RNF216: variants seen among roughly 807,000 people sequenced by gnomAD.
RNF216 encodes E3 ubiquitin-protein ligase RNF216.
RNF216 carries 72 observed loss-of-function variants against 110.8 expected under a neutral mutation model. That is an observed-to-expected ratio of 0.65 (90% CI 0.54 to 0.79). RNF216 has a LOEUF of 0.79. RNF216 is among the 30% of genes least tolerant of loss of function. RNF216 has a pLI of 0.00. For synonymous variants in RNF216, 495 were observed against 407.5 expected (o/e 1.21, Z -2.59); for missense variants, 1,342 against 1,141.2 (o/e 1.18, Z -2.54).
At chr7:5,744,310 G>A (rs893514902) in intron 3 of RNF216, among the ~76,000 whole-genome samples, 3 of 152,176 alleles carry the variant, frequency 2.0e-5, no homozygotes, top group African/African-American at 7.2e-5. Context: ...TGCATTGAAA[G>A]CCAGGTCAGA....
At chr7:5,668,649 G>A (rs976386133) in intron 13 of RNF216, among the ~76,000 whole-genome samples, 5 of 152,142 alleles carry the variant, frequency 3.3e-5, no homozygotes, top group African/African-American at 1.2e-4. Flanking sequence ...GGGTCAACTC[G>A]ACACAGAAGA....
chr7:5,676,324 A>C (rs1790292647), intron 13 of RNF216, among the ~76,000 whole-genome samples: 1 of 152,208 alleles, frequency 6.6e-6, no homozygotes, highest in South Asian at 2.1e-4. Flanking sequence ...TCCATGCCAA[A>C]GAAATTTCTT....
intron 9 of RNF216, among the ~76,000 whole-genome samples, chr7:5,718,911 G>C (rs150042182): frequency 6.6e-6 from 1 of 152,076 alleles, no homozygotes; most frequent in Non-Finnish European, 1.5e-5. Context: ...GCCTGCCTTG[G>C]CCTCCCAAAG....
At chr7:5,635,649 T>A (rs899541972) in intron 15 of RNF216, among the ~76,000 whole-genome samples, 1 of 152,126 alleles carries the variant, frequency 6.6e-6, no homozygotes, top group Non-Finnish European at 1.5e-5. Context: ...TGCGCTGGCC[T>A]GAGGGGAGAA....
intron 14 of RNF216, among the ~76,000 whole-genome samples, chr7:5,644,604 C>T (rs534684206): frequency 6.6e-6 from 1 of 151,774 alleles, no homozygotes; most frequent in Non-Finnish European, 1.5e-5. Flanking sequence ...CTCCTGGGCT[C>T]AAGTGATTTC....
At chr7:5,734,077 A>T (rs1323867886) in intron 5 of RNF216, among the ~76,000 whole-genome samples, 1 of 152,214 alleles carries the variant, frequency 6.6e-6, no homozygotes, top group Non-Finnish European at 1.5e-5. Context: ...AATCTCCAAC[A>T]AACAATTCTG....
chr7:5,767,533 C>T (rs1176420976), intron 1 of RNF216, among the ~76,000 whole-genome samples: 6 of 152,128 alleles, frequency 3.9e-5, no homozygotes, highest in Non-Finnish European at 7.3e-5. Flanking sequence ...ACTAGACTCC[C>T]CAAAATCCAA....
At chr7:5,723,477 C>G (rs1157422132) in intron 8 of RNF216, among the ~76,000 whole-genome samples, 2 of 151,924 alleles carry the variant, frequency 1.3e-5, no homozygotes, top group Admixed American at 1.3e-4. Flanking sequence ...GAAACCCCGT[C>G]TCTACTAAAA....
chr7:5,740,969 T>A lies in RNF216; in HGVS notation c.1044+4A>T. On this transcript the variant is annotated splice_donor_region_variant and intron_variant, in intron 4 of 16. Transcript: ENST00000389902. ...CTACATTTACTTGATAAAATAAAAC[T>A]TACCGTTTCTTTCACTAGTAGTTCA... 1 of 1,584,588 alleles carries A rather than the reference T, an allele frequency of 6.3e-7. No individual in the cohort carries two copies. The highest frequency in any genetic ancestry group is 8.6e-7 in the Non-Finnish European group (1 of 1,169,460).
chr7:5,697,454 G>A (rs1432157067), intron 13 of RNF216, among the ~76,000 whole-genome samples: 1 of 152,226 alleles, frequency 6.6e-6, no homozygotes, highest in South Asian at 2.1e-4. Context: ...GGTAATGATC[G>A]TGTTTAGAGG....
At position 5,741,282 on chromosome 7, in the gene RNF216, T is replaced by G. The variant is rs565625267; in HGVS notation, c.735A>C (p.Ile245=). The G allele has an allele frequency of 1.7e-5, 27 of 1,614,098 alleles. No individual in the cohort carries two copies. In the South Asian group the frequency reaches 3.0e-4, roughly 18 times the overall value. Residue 245 remains isoleucine, a synonymous_variant, in exon 4 of 17, where the codon ATA becomes ATC. Transcript: ENST00000389902. Reference sequence around the variant, plus strand: ...GTTCCTGAGGAACGACCTGGTTTGTTATTTCACGGGGCTGTTGGTTCAGAG... The same window carrying G: ...GTTCCTGAGGAACGACCTGGTTTGTGATTTCACGGGGCTGTTGGTTCAGAG... The part of the protein sequence containing the change: ...FQSLNQQPRE[I]TNQVVPQERQ...
At chr7:5,712,160 G>A (rs1042337959) in intron 12 of RNF216, among the ~76,000 whole-genome samples, 3 of 152,194 alleles carry the variant, frequency 2.0e-5, no homozygotes, top group Admixed American at 6.5e-5. Flanking sequence ...CAGAAGATTT[G>A]GGGGTGCCAA....
chr7:5,736,289 C>T (rs1168747312), intron 5 of RNF216, among the ~76,000 whole-genome samples: 1 of 152,142 alleles, frequency 6.6e-6, no homozygotes, highest in East Asian at 1.9e-4. Context: ...GACTGGTTTT[C>T]GTATTTTTTT....
chr7:5,665,006 C>G lies in RNF216; in HGVS notation c.2062-12496G>C, dbSNP rs569204422. Among the ~76,000 whole-genome samples, 9 of 152,292 alleles carry G rather than the reference C, an allele frequency of 5.9e-5. No individual in the cohort carries two copies. In the South Asian group the frequency reaches 6.2e-4, roughly 11 times the overall value. ...AGAGACTGGGTTTCACCACGTTGGC[C>G]AGGCTGGTCTTGAACTCCTGACCTC... is the stretch of plus-strand genomic sequence containing the variant. On this transcript the variant is annotated intron_variant, in intron 13 of 16. Transcript: ENST00000389902.
In RNF216 at chr7:5,622,773, G is replaced by A. The variant is rs1786451454; in HGVS notation, c.*87C>T. On this transcript the variant is annotated 3_prime_UTR_variant, in exon 17 of 17. Coordinates refer to ENST00000389902, the MANE Select transcript of RNF216 (RefSeq NM_207111.4). Reference sequence around the variant, plus strand: ...CTTCAAGCTGACTTAGGATGCAATGGTACAGACACCAGCCTTGGGGGAGGG... The same window carrying A: ...CTTCAAGCTGACTTAGGATGCAATGATACAGACACCAGCCTTGGGGGAGGG... 1 of 1,337,796 alleles carries A rather than the reference G, an allele frequency of 7.5e-7. No individual in the cohort carries two copies. Among genetic ancestry groups the A allele is most frequent in the Non-Finnish European group, 1.0e-6 (1 of 970,248 alleles). The allele number at this position is 1,337,796 out of a possible 1,614,324, so 82.9% of individuals were successfully genotyped here.
chr7:5,660,280 T>C (rs1789025530), intron 13 of RNF216, among the ~76,000 whole-genome samples: 1 of 45,782 alleles, frequency 2.2e-5, no homozygotes, highest in African/African-American at 1.3e-4. Context: ...TTTTTTTTTT[T>C]TTTTTTTTTT....
At chr7:5,665,188 G>T (rs7804319) in intron 13 of RNF216, among the ~76,000 whole-genome samples, 2 of 152,126 alleles carry the variant, frequency 1.3e-5, no homozygotes, top group Admixed American at 6.5e-5. Context: ...TCACCATGCA[G>T]GGGATTCCTC....
chr7:5,763,095 T>TCA (rs903968520), intron 1 of RNF216, among the ~76,000 whole-genome samples: 4 of 152,084 alleles, frequency 2.6e-5, no homozygotes, highest in Non-Finnish European at 5.9e-5. Flanking sequence ...GGAAATGGAC[T>TCA]CATATGAGAG....
chr7:5,623,094 C>T lies in RNF216; in HGVS notation c.2538G>A (p.Pro846=), dbSNP rs142956703. ...GCATCTGTGGCTGTGGCAGGTTCTG[C>T]GGAACGGGCCTCGGGAGGGCCTCCA... ...QRVEALPRPV[P]QNLPQPQMPP... Residue 846 remains proline, a synonymous_variant, in exon 17 of 17, where the codon CCG becomes CCA. Transcript: ENST00000389902. The T allele has an allele frequency of 5.5e-4, 879 of 1,610,566 alleles. 6 individuals are homozygous for T. The African/African-American group carries it at 9.3e-3, about 17-fold the overall frequency.
Sources: allele counts gnomAD v4.1 joint callset (sites outside exome capture counted in the v4.1 genomes callset), GRCh38; gene constraint gnomAD v4.1.1; transcripts MANE v1.5; gene names NCBI Gene and HGNC (gene_info 2026-07-23, HGNC 2026-07-21).